The following OXR1 variants were observed in gnomAD, a reference collection of about 807,000 sequenced individuals.
OXR1 encodes the protein oxidation resistance 1.
OXR1 carries 41 observed loss-of-function variants against 104.6 expected under a neutral mutation model. The observed-to-expected ratio is 0.39, with a 90% CI of 0.31 to 0.51. OXR1 has a LOEUF of 0.51. Among genes scored for constraint, OXR1 ranks in the 20% least tolerant of loss-of-function variants. The pLI is 0.77. For synonymous variants in OXR1, 348 were observed against 348.4 expected (o/e 1.00, Z 0.01); for missense variants, 955 against 1,031.9 (o/e 0.93, Z 1.02).
intron 3 of OXR1, among the ~76,000 whole-genome samples, chr8:106,617,514 C>T (rs927806221): frequency 1.3e-5 from 2 of 152,104 alleles, no homozygotes; most frequent in Admixed American, 6.5e-5. Flanking sequence ...GCAGTTAGTG[C>T]TGTTGTGTGG....
At chr8:106,659,956 C>T (rs1825589079) in intron 3 of OXR1, among the ~76,000 whole-genome samples, 3 of 152,184 alleles carry the variant, frequency 2.0e-5, no homozygotes, top group South Asian at 2.1e-4. Context: ...AGTCATGGTG[C>T]CCCCAAATCT....
chr8:106,621,236 C>T (rs1254238759), intron 3 of OXR1, among the ~76,000 whole-genome samples: 3 of 152,162 alleles, frequency 2.0e-5, no homozygotes, highest in Non-Finnish European at 4.4e-5. Context: ...AGATTCCCCA[C>T]TTCCTTTCCT....
chr8:106,303,498 A>G (rs530970686), intron 1 of OXR1, among the ~76,000 whole-genome samples: 1 of 152,070 alleles, frequency 6.6e-6, no homozygotes, highest in African/African-American at 2.4e-5. Flanking sequence ...TTGGCCTCCC[A>G]AAGTGCTGGG....
At chr8:106,608,411 T>C (rs1048535532) in intron 3 of OXR1, among the ~76,000 whole-genome samples, 2 of 152,204 alleles carry the variant, frequency 1.3e-5, no homozygotes, top group South Asian at 2.1e-4. Flanking sequence ...ATGACAAACA[T>C]ATTATGGTTG....
At chr8:106,680,944 A>G (rs558111870) in intron 4 of OXR1, among the ~76,000 whole-genome samples, 1 of 152,168 alleles carries the variant, frequency 6.6e-6, no homozygotes, top group African/African-American at 2.4e-5. Flanking sequence ...TCCCTGACCT[A>G]CTGCTACTGC....
intron 3 of OXR1, among the ~76,000 whole-genome samples, chr8:106,526,570 T>C (rs1189680962): frequency 6.6e-6 from 1 of 152,184 alleles, no homozygotes; most frequent in African/African-American, 2.4e-5. Flanking sequence ...TGAGACGGAG[T>C]CTCGCTCTGT....
intron 1 of OXR1, among the ~76,000 whole-genome samples, chr8:106,337,081 A>C (rs2130249302): frequency 6.6e-6 from 1 of 152,346 alleles, no homozygotes; most frequent in Non-Finnish European, 1.5e-5. Flanking sequence ...GACTTAAAAT[A>C]TTTAATTTGT....
At chr8:106,356,377 A>C (rs1815972480) in intron 1 of OXR1, among the ~76,000 whole-genome samples, 1 of 152,114 alleles carries the variant, frequency 6.6e-6, no homozygotes, top group South Asian at 2.1e-4. Flanking sequence ...GAAGAAACCC[A>C]CCTAAAGTTT....
Position 106,453,823 on chromosome 8 carries a change from C to T in OXR1, c.24-65120C>T, listed in dbSNP as rs1249856997. Among the ~76,000 whole-genome samples, 3 of 152,314 alleles carry T rather than the reference C, an allele frequency of 2.0e-5. No individual in the cohort carries two copies. The East Asian group carries it at 5.8e-4, about 29-fold the overall frequency. Reference sequence around the variant, plus strand: ...GCATATAGCATAGTACTTGGCATAGCCTAGGTGCACAATGCACATGGGCTG... The same window carrying T: ...GCATATAGCATAGTACTTGGCATAGTCTAGGTGCACAATGCACATGGGCTG... On this transcript the variant is annotated intron_variant, in intron 2 of 16. Coordinates refer to ENST00000517566, the MANE Select transcript of OXR1 (RefSeq NM_001198533.2).
At chr8:106,412,271 T>C (rs1308652129) in intron 2 of OXR1, among the ~76,000 whole-genome samples, 1 of 152,142 alleles carries the variant, frequency 6.6e-6, no homozygotes. Flanking sequence ...CTCAGTTGTA[T>C]TCAGTAGCAC....
chr8:106,307,152 G>A (rs549941327), intron 1 of OXR1, among the ~76,000 whole-genome samples: 106 of 152,252 alleles, frequency 7.0e-4, no homozygotes, highest in Non-Finnish European at 1.3e-3. Flanking sequence ...GCCAACAAGT[G>A]ACCTAAAATA....
At chr8:106,473,316 C>T (rs535379751) in intron 2 of OXR1, among the ~76,000 whole-genome samples, 2 of 151,922 alleles carry the variant, frequency 1.3e-5, no homozygotes, top group East Asian at 2.0e-4. Flanking sequence ...TCACTGCATC[C>T]TAATGGTAGT....
intron 1 of OXR1, among the ~76,000 whole-genome samples, chr8:106,355,171 C>T (rs996825055): frequency 6.6e-6 from 1 of 152,028 alleles, no homozygotes; most frequent in African/African-American, 2.4e-5. Flanking sequence ...TAAAATGTTT[C>T]CTCTAATATG....
At chr8:106,462,245 A>G (rs1259351840) in intron 2 of OXR1, among the ~76,000 whole-genome samples, 2 of 152,192 alleles carry the variant, frequency 1.3e-5, no homozygotes, top group Non-Finnish European at 2.9e-5. Context: ...AGATTTATGT[A>G]TTCACATTCC....
At chr8:106,430,421 GT>G (rs1819316470) in intron 2 of OXR1, among the ~76,000 whole-genome samples, 1 of 152,104 alleles carries the variant, frequency 6.6e-6, no homozygotes, top group Admixed American at 6.6e-5. Flanking sequence ...AAATGAGCTG[GT>G]TTTAACAGCT....
At chr8:106,654,332 G>A (rs896498111) in intron 3 of OXR1, among the ~76,000 whole-genome samples, 1 of 152,034 alleles carries the variant, frequency 6.6e-6, no homozygotes, top group African/African-American at 2.4e-5. Context: ...GAGATAGCAT[G>A]GTATTGGCAT....
At chr8:106,341,390 C>CATATATATATATATATATATATATATAT (rs138432601) in intron 1 of OXR1, among the ~76,000 whole-genome samples, 93 of 145,916 alleles carry the variant, frequency 6.4e-4, no homozygotes, top group Non-Finnish European at 8.9e-4. Context: ...AGTCAATCTA[C>CATATATATATATATATATATATATATAT]ATATATATAT....
rs1563726061 is a variant in OXR1, at chr8:106,703,053, G to C, written c.823G>C (p.Glu275Gln). The change falls in exon 8 of 17, where the codon GAA (glutamate) becomes CAA (glutamine). Residue 275 changes from glutamate to glutamine, a missense_variant. Glu to Gln is a conservative substitution (Grantham distance 29). Coordinates refer to ENST00000517566, the MANE Select transcript of OXR1 (RefSeq NM_001198533.2). ...EEVMSAAMYK[E>Q]ILDSKIKESL... ...GGTGATGTCAGCTGCAATGTACAAA[G>C]AAATTTTGGATAGCAAAATAAAGGA... 1 of 1,613,314 alleles carries C rather than the reference G, an allele frequency of 6.2e-7. No individual in the cohort carries two copies.
intron 1 of OXR1, among the ~76,000 whole-genome samples, chr8:106,307,981 A>AC (rs1813533495): frequency 6.6e-6 from 1 of 151,552 alleles, no homozygotes; most frequent in African/African-American, 2.4e-5. Context: ...CACACACACA[A>AC]AAATGGAACC....
Sources: allele counts gnomAD v4.1 joint callset (sites outside exome capture counted in the v4.1 genomes callset), GRCh38; gene constraint gnomAD v4.1.1; transcripts MANE v1.5; gene names NCBI Gene and HGNC (gene_info 2026-07-23, HGNC 2026-07-21).